The following REEP3 variants were observed in gnomAD, a reference collection of about 807,000 sequenced individuals.
REEP3 encodes receptor accessory protein 3.
Under a neutral mutation model 41.3 loss-of-function variants are expected in REEP3, and 20 were observed. The ratio of observed to expected loss-of-function variants is 0.48; its 90% CI spans 0.34 to 0.70. The LOEUF (loss-of-function observed/expected upper bound fraction) is 0.70. Ranked by LOEUF, REEP3 falls within the 30% of genes least tolerant of loss-of-function variation. REEP3 has a pLI of 0.01. For missense variants in REEP3, 271 were observed against 308.8 expected (o/e 0.88, Z 0.92); for synonymous variants, 104 against 101.8 (o/e 1.02, Z -0.13).
At chr10:63,568,992 C>T (rs1955829288) in intron 2 of REEP3, among the ~76,000 whole-genome samples, 1 of 152,094 alleles carries the variant, frequency 6.6e-6, no homozygotes, top group East Asian at 1.9e-4. Flanking sequence ...TATTCAGTAA[C>T]ATGAAATTAC....
intron 1 of REEP3, among the ~76,000 whole-genome samples, chr10:63,525,853 G>T (rs1012063635): frequency 6.6e-6 from 1 of 151,976 alleles, no homozygotes; most frequent in Non-Finnish European, 1.5e-5. Flanking sequence ...TTGTTTTTAT[G>T]ATCTAGCATT....
chr10:63,613,938 A>T (rs536119402), intron 6 of REEP3, among the ~76,000 whole-genome samples: 1 of 152,346 alleles, frequency 6.6e-6, no homozygotes, highest in South Asian at 2.1e-4. Flanking sequence ...TCAAAACCAG[A>T]AAACATAATG....
chr10:63,591,009 A>AT lies in REEP3; in HGVS notation c.106-3767dup, dbSNP rs1046397644. Among the ~76,000 whole-genome samples the AT allele has an allele frequency of 2.8e-4, 42 of 152,002 alleles. 1 individual carries two copies. The highest frequency in any genetic ancestry group is 1.4e-3 in the Admixed American group (22 of 15,260). ...GTTACATATGTTTATAAGATAGTGT[A>AT]TTGGTTTCCTTTCAATTTTTTGGTA... On this transcript the variant is annotated intron_variant, in intron 2 of 7. Coordinates refer to ENST00000373758, the MANE Select transcript of REEP3 (RefSeq NM_001001330.3).
intron 3 of REEP3, among the ~76,000 whole-genome samples, chr10:63,596,070 TCTC>T (rs1383389564): frequency 1.3e-5 from 2 of 152,152 alleles, no homozygotes; most frequent in Non-Finnish European, 2.9e-5. Context: ...ATTTTGCTCT[TCTC>T]CTGTTCATGT....
chr10:63,579,214 A>G (rs1392605420), intron 2 of REEP3, among the ~76,000 whole-genome samples: 1 of 152,034 alleles, frequency 6.6e-6, no homozygotes, highest in African/African-American at 2.4e-5. Context: ...TATTCTTAGT[A>G]GAGATGGGGT....
chr10:63,619,894 T>C (rs1956340006), intron 7 of REEP3, 94 bp downstream of exon 7: 6 of 963,212 alleles, frequency 6.2e-6, no homozygotes, highest in Admixed American at 2.9e-5. Context: ...AAATGAAGGA[T>C]TGGAATGGTA....
intron 1 of REEP3, among the ~76,000 whole-genome samples, chr10:63,556,164 C>T (rs917785006): frequency 2.6e-5 from 4 of 152,160 alleles, no homozygotes; most frequent in African/African-American, 9.7e-5. Flanking sequence ...GACAGAGTCG[C>T]TCTGTCACCC....
At chr10:63,574,519 T>C (rs1955880420) in intron 2 of REEP3, among the ~76,000 whole-genome samples, 1 of 152,184 alleles carries the variant, frequency 6.6e-6, no homozygotes, top group Non-Finnish European at 1.5e-5. Context: ...ATTATATGAA[T>C]GCACATAAAG....
intron 1 of REEP3, among the ~76,000 whole-genome samples, chr10:63,547,047 A>G (rs544975880): frequency 9.9e-5 from 15 of 151,958 alleles, no homozygotes; most frequent in Admixed American, 3.9e-4. Context: ...TCAGCCTCCC[A>G]AGTAGCTGGG....
At chr10:63,524,132 G>A (rs1282454748) in intron 1 of REEP3, among the ~76,000 whole-genome samples, 1 of 152,156 alleles carries the variant, frequency 6.6e-6, no homozygotes, top group African/African-American at 2.4e-5. Flanking sequence ...AAGCACACTT[G>A]TAGAGAATAT....
chr10:63,528,956 T>C (rs1323925706), intron 1 of REEP3, among the ~76,000 whole-genome samples: 1 of 152,218 alleles, frequency 6.6e-6, no homozygotes, highest in Non-Finnish European at 1.5e-5. Flanking sequence ...CCTCTCCAAC[T>C]AGAAAATAGT....
At chr10:63,541,616 A>T (rs1225461233) in intron 1 of REEP3, among the ~76,000 whole-genome samples, 1 of 151,750 alleles carries the variant, frequency 6.6e-6, no homozygotes, top group African/African-American at 2.4e-5. Context: ...TTGTTCTAAC[A>T]TACTTATTCT....
rs142766958 is a variant in REEP3, at chr10:63,523,505, C to T, written c.32+1928C>T. 2.3e-3 allele frequency among the ~76,000 whole-genome samples: 353 copies of T among 152,280 alleles called. 1 individual carries two copies. Among genetic ancestry groups the T allele is most frequent in the Non-Finnish European group, 3.4e-3 (234 of 68,018 alleles). On this transcript the variant is annotated intron_variant, in intron 1 of 7. Coordinates refer to ENST00000373758, the MANE Select transcript of REEP3 (RefSeq NM_001001330.3). Reference sequence around the variant, plus strand: ...AAATTTAATTAGCTAGTCACAGTAGCTCACACCTGTAATCCCAGCTACTCA... The same window carrying T: ...AAATTTAATTAGCTAGTCACAGTAGTTCACACCTGTAATCCCAGCTACTCA...
chr10:63,614,982 G>A (rs1346547341), intron 6 of REEP3, among the ~76,000 whole-genome samples: 1 of 152,134 alleles, frequency 6.6e-6, no homozygotes, highest in Non-Finnish European at 1.5e-5. Flanking sequence ...TGAACCAAAT[G>A]CCTAGGAGAA....
At chr10:63,588,550 A>G (rs1159627799) in intron 2 of REEP3, among the ~76,000 whole-genome samples, 2 of 152,230 alleles carry the variant, frequency 1.3e-5, no homozygotes, top group African/African-American at 4.8e-5. Flanking sequence ...GAACACATTA[A>G]GCTATGTGCA....
chr10:63,544,985 C>T (rs1366843253), intron 1 of REEP3, among the ~76,000 whole-genome samples: 1 of 152,130 alleles, frequency 6.6e-6, no homozygotes, highest in Non-Finnish European at 1.5e-5. Flanking sequence ...ACAGTGATTT[C>T]TATGACCAGC....
intron 1 of REEP3, chr10:63,562,871 T>G (rs1454743934): frequency 2.2e-6 from 1 of 453,168 alleles, no homozygotes; most frequent in Non-Finnish European, 4.4e-6. Flanking sequence ...CCAAACTTCA[T>G]ATATTGAAGT....
intron 1 of REEP3, among the ~76,000 whole-genome samples, chr10:63,565,273 A>G (rs1255791883): frequency 1.3e-5 from 2 of 152,220 alleles, no homozygotes; most frequent in African/African-American, 2.4e-5. Flanking sequence ...CAATTGGTCA[A>G]TCAATAAATA....
chr10:63,583,463 A>G (rs1036552273), intron 2 of REEP3, among the ~76,000 whole-genome samples: 2 of 152,202 alleles, frequency 1.3e-5, no homozygotes, highest in Non-Finnish European at 2.9e-5. Flanking sequence ...TAAAGAATGG[A>G]ATTTTTCATT....
Sources: allele counts gnomAD v4.1 joint callset (sites outside exome capture counted in the v4.1 genomes callset), GRCh38; gene constraint gnomAD v4.1.1; transcripts MANE v1.5; gene names NCBI Gene and HGNC (gene_info 2026-07-23, HGNC 2026-07-21).